The following CRYBG1 variants were observed in gnomAD, a reference collection of about 807,000 sequenced individuals.
CRYBG1 encodes the protein beta/gamma crystallin domain-containing protein 1.
CRYBG1 carries 139 observed loss-of-function variants against 189.2 expected under a neutral mutation model. The observed-to-expected ratio is 0.73, with a 90% CI of 0.64 to 0.85. CRYBG1 has a LOEUF of 0.85. Among genes scored for constraint, CRYBG1 ranks in the 40% least tolerant of loss-of-function variants. The pLI, the probability that CRYBG1 is intolerant of heterozygous loss-of-function variation, is 0.00. For missense variants in CRYBG1, 2,611 were observed against 2,675.8 expected (o/e 0.98, Z 0.53); for synonymous variants, 1,023 against 1,017.1 (o/e 1.01, Z -0.11).
intron 1 of CRYBG1, among the ~76,000 whole-genome samples, chr6:106,379,307 G>A (rs1292444612): frequency 6.6e-6 from 1 of 151,096 alleles, no homozygotes. Flanking sequence ...TGTTGCCCAG[G>A]CTGGAGTGCA....
intron 1 of CRYBG1, among the ~76,000 whole-genome samples, chr6:106,413,164 GAA>G (rs1770961128): frequency 6.6e-6 from 1 of 152,108 alleles, no homozygotes; most frequent in Non-Finnish European, 1.5e-5. Flanking sequence ...AATTCCTGCA[GAA>G]AGAAAACTTC....
At chr6:106,503,156 G>A (rs1218634875) in intron 2 of CRYBG1, among the ~76,000 whole-genome samples, 1 of 152,190 alleles carries the variant, frequency 6.6e-6, no homozygotes, top group Non-Finnish European at 1.5e-5. Flanking sequence ...GCCCAACTAA[G>A]AGATGGAGAG....
chr6:106,526,151 A>T (rs985687943), intron 6 of CRYBG1, among the ~76,000 whole-genome samples: 4 of 152,124 alleles, frequency 2.6e-5, no homozygotes, highest in African/African-American at 4.8e-5. Flanking sequence ...AAGAGGGTAG[A>T]CCTCTGAATG....
intron 2 of CRYBG1, among the ~76,000 whole-genome samples, chr6:106,462,770 C>T: frequency 6.6e-6 from 1 of 152,146 alleles, no homozygotes; most frequent in Non-Finnish European, 1.5e-5. Flanking sequence ...TTTGTGTATA[C>T]TGGACTTGAC....
chr6:106,365,551 G>C (rs1472923432), intron 1 of CRYBG1, among the ~76,000 whole-genome samples: 1 of 151,216 alleles, frequency 6.6e-6, no homozygotes, highest in Non-Finnish European at 1.5e-5. Flanking sequence ...GGCCTCCCAA[G>C]TGCTAGGATT....
At chr6:106,502,394 G>C (rs905098295) in intron 2 of CRYBG1, among the ~76,000 whole-genome samples, 4 of 152,194 alleles carry the variant, frequency 2.6e-5, no homozygotes, top group Admixed American at 6.5e-5. Context: ...CCATTTTCCA[G>C]TTTGGCTAAA....
At position 106,511,651 on chromosome 6, in the gene CRYBG1, G is replaced by C; in HGVS notation, c.534G>C (p.Thr178=). The C allele has an allele frequency of 6.5e-7, 1 of 1,535,832 alleles. No individual in the cohort carries two copies. The highest frequency in any genetic ancestry group is 1.2e-5 in the South Asian group (1 of 84,056). Residue 178 remains threonine, a synonymous_variant, in exon 3 of 22, where the codon ACG becomes ACC. Transcript: ENST00000633556. The part of the protein sequence containing the change: ...SRSQSSQLKQ[T]DTSEEGSPRE... Reference sequence around the variant, plus strand: ...CTCAGAGCAGCCAACTGAAGCAAACGGACACAAGCGAGGAGGGCTCCCCGC... The same window carrying C: ...CTCAGAGCAGCCAACTGAAGCAAACCGACACAAGCGAGGAGGGCTCCCCGC...
chr6:106,381,971 A>T (rs1218206708), intron 1 of CRYBG1, among the ~76,000 whole-genome samples: 1 of 152,158 alleles, frequency 6.6e-6, no homozygotes, highest in Non-Finnish European at 1.5e-5. Context: ...GGGAAGATAG[A>T]TATGCACTCA....
chr6:106,423,259 T>TG (rs971286793), intron 1 of CRYBG1, among the ~76,000 whole-genome samples: 2 of 149,396 alleles, frequency 1.3e-5, no homozygotes, highest in African/African-American at 4.9e-5. Flanking sequence ...TGGTTTTTTT[T>TG]TTTTTTTTTT....
At chr6:106,558,244 CCT>C (rs988576226) in intron 17 of CRYBG1, among the ~76,000 whole-genome samples, 4 of 150,798 alleles carry the variant, frequency 2.7e-5, no homozygotes, top group African/African-American at 7.3e-5. Context: ...TTTTTTTCCC[CCT>C]GTTTTACAAA....
Position 106,512,465 on chromosome 6 carries a change from G to A in CRYBG1, c.1348G>A (p.Asp450Asn), listed in dbSNP as rs142945856. The A allele has an allele frequency of 1.9e-6, 3 of 1,611,036 alleles. No homozygotes were observed. The highest frequency in any genetic ancestry group is 2.7e-5 in the African/African-American group (2 of 74,904). ...SAARDDAVFD[D>N]EVAPNAASDN... is the part of the protein sequence containing the mutation. ...TGCCAGGGACGACGCGGTGTTCGAC[G>A]ACGAGGTGGCGCCAAACGCGGCCAG... Residue 450 changes from aspartate to asparagine, a missense_variant, in exon 3 of 22, where the codon GAC (aspartate) becomes AAC (asparagine). By Grantham distance (23) the Asp-to-Asn change is conservative (BLOSUM62 1). Coordinates refer to ENST00000633556, the MANE Select transcript of CRYBG1 (RefSeq NM_001371242.2).
chr6:106,558,754 G>C, intron 18 of CRYBG1, 129 bp downstream of exon 18: 1 of 717,624 alleles, frequency 1.4e-6, no homozygotes, highest in Non-Finnish European at 2.1e-6. Flanking sequence ...TTTGAATCCA[G>C]GGATTCAAGA....
At chr6:106,495,934 G>GGAT (rs145280013) in intron 2 of CRYBG1, among the ~76,000 whole-genome samples, 4,056 of 151,818 alleles carry the variant, frequency 0.027, 181 homozygotes, top group African/African-American at 0.093. Context: ...TTGAGAGTAA[G>GGAT]GATTGATTTT....
intron 1 of CRYBG1, among the ~76,000 whole-genome samples, chr6:106,445,615 C>T (rs1413886020): frequency 6.6e-6 from 1 of 152,198 alleles, no homozygotes; most frequent in African/African-American, 2.4e-5. Flanking sequence ...TATGGCAGTA[C>T]TAGGCTAAGC....
At position 106,377,621 on chromosome 6, in the gene CRYBG1, T is replaced by TTATATATATATATA. The variant is rs373644273; in HGVS notation, c.173+16554_173+16567dup. 4.0e-3 allele frequency among the ~76,000 whole-genome samples: 279 copies of TTATATATATATATA among 69,450 alleles called. 14 individuals carry two copies. Among genetic ancestry groups the TTATATATATATATA allele is most frequent in the African/African-American group, 8.1e-3 (227 of 28,024 alleles). 45.6% of individuals were successfully genotyped at this position (69,450 alleles called of 152,430 possible). ...TGTGTAACTCATAAGTCCTAAGGTT[T>TTATATATATATATA]TATATATATATATATATATATATAT... On this transcript the variant is annotated intron_variant, in intron 1 of 21. Transcript: ENST00000633556.
chr6:106,463,291 C>T (rs1220026027), intron 2 of CRYBG1, among the ~76,000 whole-genome samples: 1 of 151,190 alleles, frequency 6.6e-6, no homozygotes, highest in East Asian at 1.9e-4. Flanking sequence ...GGGAGGTGGC[C>T]ATCACCACCA....
At chr6:106,501,257 G>A (rs190318798) in intron 2 of CRYBG1, among the ~76,000 whole-genome samples, 16 of 152,218 alleles carry the variant, frequency 1.1e-4, no homozygotes, top group African/African-American at 3.4e-4. Context: ...GTTTTACATA[G>A]GGTGATTCAA....
intron 2 of CRYBG1, among the ~76,000 whole-genome samples, chr6:106,494,568 G>A (rs914321162): frequency 6.6e-6 from 1 of 152,124 alleles, no homozygotes; most frequent in Non-Finnish European, 1.5e-5. Flanking sequence ...GTAATTAAGA[G>A]GTCTGATAGT....
chr6:106,420,075 T>A (rs542225881), intron 1 of CRYBG1, among the ~76,000 whole-genome samples: 8 of 152,332 alleles, frequency 5.3e-5, no homozygotes, highest in Admixed American at 2.0e-4. Flanking sequence ...GACTGTGCAA[T>A]GCAGTAATTT....
Sources: allele counts gnomAD v4.1 joint callset (sites outside exome capture counted in the v4.1 genomes callset), GRCh38; gene constraint gnomAD v4.1.1; transcripts MANE v1.5; gene names NCBI Gene and HGNC (gene_info 2026-07-23, HGNC 2026-07-21).